BBX: variants seen among roughly 807,000 people sequenced by gnomAD.
BBX encodes the protein BBX high mobility group box domain containing.
In BBX, 30 loss-of-function variants were observed where a neutral mutation model predicts 100.2. The observed-to-expected ratio is 0.30, with a 90% confidence interval of 0.22 to 0.41. The LOEUF is 0.41. Among genes scored for constraint, BBX ranks in the 10% least tolerant of loss-of-function variants. BBX has a pLI of 1.00. For missense variants in BBX, 1,023 were observed against 1,129.8 expected (o/e 0.91, Z 1.35); for synonymous variants, 376 against 388.1 (o/e 0.97, Z 0.37).
chr3:107,755,619 T>C lies in BBX; in HGVS notation c.847T>C (p.Leu283=), dbSNP rs769229464. ...ATAGATTTCTTCAAACACTTCGCAG[T>C]TGGGTGGTGCTGAGCCTGTAAAACG... ...FAEISSNTSQ[L]GGAEPVKRCG... Residue 283 remains leucine (L), a synonymous_variant, in exon 10 of 18, where the codon TTG becomes CTG. Coordinates refer to ENST00000325805, the MANE Select transcript of BBX (RefSeq NM_001142568.3). The C allele has an allele frequency of 1.2e-6, 2 of 1,613,872 alleles. No homozygotes were observed. The highest frequency in any genetic ancestry group is 1.1e-5 in the South Asian group (1 of 91,074).
chr3:107,778,606 A>C, intron 13 of BBX, 87 bp downstream of exon 13: 1 of 1,424,460 alleles, frequency 7.0e-7, no homozygotes, highest in Non-Finnish European at 9.5e-7. Flanking sequence ...TAGACATATC[A>C]TTGGATTTGG....
At chr3:107,804,812 CTT>C (rs771866658) in intron 17 of BBX, among the ~76,000 whole-genome samples, 25 of 142,544 alleles carry the variant, frequency 1.8e-4, no homozygotes, top group Non-Finnish European at 2.0e-4. Context: ...TTCTTCATTC[CTT>C]TTTTTTTTTT....
At chr3:107,615,352 C>T (rs2055170567) in intron 2 of BBX, among the ~76,000 whole-genome samples, 1 of 152,158 alleles carries the variant, frequency 6.6e-6, no homozygotes, top group African/African-American at 2.4e-5. Context: ...AAATACCATA[C>T]ACTGGGTAGC....
chr3:107,582,011 A>G (rs892872981), intron 2 of BBX, among the ~76,000 whole-genome samples: 15 of 151,988 alleles, frequency 9.9e-5, no homozygotes, highest in Non-Finnish European at 2.2e-4. Flanking sequence ...TATTTTTTAG[A>G]AAGATTCTTT....
chr3:107,728,124 A>C (rs761867688), intron 5 of BBX, among the ~76,000 whole-genome samples: 16 of 152,214 alleles, frequency 1.1e-4, no homozygotes, highest in Non-Finnish European at 1.9e-4. Context: ...GCAACATCAC[A>C]TATCAGTGCT....
chr3:107,606,757 G>T (rs182144906), intron 2 of BBX, among the ~76,000 whole-genome samples: 2 of 152,018 alleles, frequency 1.3e-5, no homozygotes, highest in Non-Finnish European at 2.9e-5. Flanking sequence ...GGTAAATGGG[G>T]TATCCATCAC....
At position 107,806,595 on chromosome 3, in the gene BBX, T is replaced by TC. The variant is rs1212063881; in HGVS notation, c.*1139dup. On this transcript the variant is annotated 3_prime_UTR_variant, in exon 18 of 18. Transcript: ENST00000325805. ...GAGGTATGCCTGACCAGAGTGGGAC[T>TC]CTCAGTCATAGATCCACCTGCAAGT... The TC allele has an allele frequency of 6.6e-6, 1 of 152,224 alleles. No individual in the cohort carries two copies. The highest frequency in any genetic ancestry group is 1.5e-5 in the Non-Finnish European group (1 of 68,026). 9.4% of individuals were successfully genotyped at this position (152,224 alleles called of 1,614,324 possible).
intron 2 of BBX, among the ~76,000 whole-genome samples, chr3:107,600,026 T>C (rs1307985870): frequency 6.6e-6 from 1 of 152,180 alleles, no homozygotes; most frequent in Non-Finnish European, 1.5e-5. Flanking sequence ...TATTGTAAAC[T>C]AAAGTGAAAG....
intron 13 of BBX, among the ~76,000 whole-genome samples, chr3:107,788,616 A>G (rs1274760003): frequency 6.6e-6 from 1 of 151,952 alleles, no homozygotes; most frequent in Non-Finnish European, 1.5e-5. Flanking sequence ...AAAAAAAAAA[A>G]TACAAAAAAT....
intron 2 of BBX, among the ~76,000 whole-genome samples, chr3:107,571,818 CTCCTGTTTTA>C (rs2051389108): frequency 6.6e-6 from 1 of 152,196 alleles, no homozygotes; most frequent in Non-Finnish European, 1.5e-5. Context: ...GAGAGTCAGC[CTCCTGTTTTA>C]TTCCTTTAAA....
intron 2 of BBX, among the ~76,000 whole-genome samples, chr3:107,573,572 C>G (rs1218223825): frequency 6.6e-6 from 1 of 152,018 alleles, no homozygotes; most frequent in Non-Finnish European, 1.5e-5. Context: ...AACAAACAAA[C>G]AAACAAACAA....
At chr3:107,526,294 A>G (rs955463053) in intron 1 of BBX, 33 bp from the exon 2 acceptor site, 3 of 398,426 alleles carry the variant, frequency 7.5e-6, no homozygotes, top group African/African-American at 4.1e-5. Flanking sequence ...GCCCTACTAT[A>G]CTGATGATGT....
chr3:107,758,881 A>G (rs1319234506), intron 10 of BBX, among the ~76,000 whole-genome samples: 1 of 152,216 alleles, frequency 6.6e-6, no homozygotes, highest in East Asian at 1.9e-4. Flanking sequence ...AAGAAGGGCC[A>G]GGAACCAGCC....
At position 107,605,946 on chromosome 3, in the gene BBX, A is replaced by T. The variant is rs139652566; in HGVS notation, c.-83-39890A>T. ...TTTGCTGTTGGATACTCATTGCCTT[A>T]ACTGTTGAAAATGGAACAGATTTTT... On this transcript the variant is annotated intron_variant, in intron 2 of 17. Coordinates refer to ENST00000325805, the MANE Select transcript of BBX (RefSeq NM_001142568.3). Among the ~76,000 whole-genome samples the T allele has an allele frequency of 1.1e-3, 164 of 152,296 alleles. 2 individuals are homozygous for T. The East Asian group carries it at 0.029, about 27-fold the overall frequency.
At chr3:107,622,176 T>A (rs1367809420) in intron 2 of BBX, among the ~76,000 whole-genome samples, 1 of 152,220 alleles carries the variant, frequency 6.6e-6, no homozygotes, top group African/African-American at 2.4e-5. Flanking sequence ...GCATGCCATA[T>A]AAACGGTGTC....
intron 10 of BBX, among the ~76,000 whole-genome samples, chr3:107,767,295 G>A (rs530110265): frequency 6.6e-6 from 1 of 152,268 alleles, no homozygotes; most frequent in Admixed American, 6.5e-5. Flanking sequence ...GGAGATGGGA[G>A]GAAGGGAGAG....
intron 4 of BBX, among the ~76,000 whole-genome samples, chr3:107,716,289 G>A (rs1369760699): frequency 6.6e-6 from 1 of 151,816 alleles, no homozygotes; most frequent in South Asian, 2.1e-4. Flanking sequence ...GGTTGTAAAG[G>A]TGAATAAGAG....
intron 2 of BBX, among the ~76,000 whole-genome samples, chr3:107,588,959 T>C (rs915637889): frequency 4.6e-5 from 7 of 152,190 alleles, no homozygotes; most frequent in African/African-American, 1.7e-4. Flanking sequence ...CCAAGTTAGG[T>C]AAGAAATACC....
intron 3 of BBX, among the ~76,000 whole-genome samples, chr3:107,699,661 T>C (rs1249519128): frequency 6.6e-6 from 1 of 151,878 alleles, no homozygotes; most frequent in Non-Finnish European, 1.5e-5. Flanking sequence ...GGTGAACAGC[T>C]GATTGCAGTG....
Sources: allele counts gnomAD v4.1 joint callset (sites outside exome capture counted in the v4.1 genomes callset), GRCh38; gene constraint gnomAD v4.1.1; transcripts MANE v1.5; gene names NCBI Gene and HGNC (gene_info 2026-07-23, HGNC 2026-07-21).